The following ZC3H12C variants were observed in gnomAD, a reference collection of about 807,000 sequenced individuals.
The protein encoded by ZC3H12C is zinc finger CCCH-type containing 12C.
ZC3H12C carries 20 observed loss-of-function variants against 76.3 expected under a neutral mutation model. The ratio of observed to expected loss-of-function variants is 0.26; its 90% CI spans 0.18 to 0.38. The LOEUF (loss-of-function observed/expected upper bound fraction) is 0.38, where lower values mean the gene tolerates loss of function less well. Among genes scored for constraint, ZC3H12C ranks in the 10% least tolerant of loss-of-function variants. The pLI is 1.00. For missense variants in ZC3H12C, 874 were observed against 1,086.5 expected, an observed-to-expected ratio of 0.80 and a Z score of 2.75; for synonymous variants, 352 against 399.6, an observed-to-expected ratio of 0.88 and a Z score of 1.42.
intron 1 of ZC3H12C, among the ~76,000 whole-genome samples, chr11:110,116,321 ATAGGTATG>A (rs1436382437): frequency 6.6e-6 from 1 of 152,188 alleles, no homozygotes; most frequent in Non-Finnish European, 1.5e-5. Context: ...AATAAAGAGG[ATAGGTATG>A]TTTGGCTTTT....
intron 1 of ZC3H12C, among the ~76,000 whole-genome samples, chr11:110,118,166 C>T (rs1180339761): frequency 6.7e-6 from 1 of 150,254 alleles, no homozygotes; most frequent in East Asian, 1.9e-4. Context: ...TAGAGTCATT[C>T]CCATTAATAT....
rs1279116376 is a variant in ZC3H12C, at chr11:110,166,137, T to TGTGG, written c.*402_*405dup. 6.0e-6 allele frequency: 1 copy of TGTGG among 166,178 alleles called. No individual in the cohort carries two copies. Among genetic ancestry groups the TGTGG allele is most frequent in the Non-Finnish European group, 1.3e-5 (1 of 76,930 alleles). The allele number at this position is 166,178 out of a possible 1,614,324, so 10.3% of individuals were successfully genotyped here. A position where few individuals can be genotyped will look rare whatever the true frequency, so the allele number is the denominator to read the frequency against. Reference sequence around the variant, plus strand: ...GCAAGCAATTACAATACCTTCAGAATGTGGGACATTTGACTAGACCTAGCA... The same window carrying TGTGG: ...GCAAGCAATTACAATACCTTCAGAATGTGGGTGGGACATTTGACTAGACCTAGCA... On this transcript the variant is annotated 3_prime_UTR_variant, in exon 6 of 6. Coordinates refer to ENST00000278590, the MANE Select transcript of ZC3H12C (RefSeq NM_033390.2).
At chr11:110,109,441 A>G (rs1050933462) in intron 1 of ZC3H12C, among the ~76,000 whole-genome samples, 1 of 152,168 alleles carries the variant, frequency 6.6e-6, no homozygotes, top group East Asian at 1.9e-4. Context: ...CTCATTGAAT[A>G]TTACAATGGT....
Position 110,137,280 on chromosome 11 carries a change from T to C in ZC3H12C, c.639T>C (p.Ser213=), listed in dbSNP as rs542273465. The change falls in exon 2 of 6, where the codon AGT becomes AGC. Residue 213 remains serine (S), a synonymous_variant. Transcript: ENST00000278590. ...GNKSEADQTV[S]TINTITRETS... The stretch of plus-strand genomic sequence containing the variant: ...AAAGTGAGGCTGATCAAACGGTTAG[T>C]ACAATTAACACTATAACACGGGAAA... 8.7e-6 allele frequency: 14 copies of C among 1,613,932 alleles called. No individual in the cohort carries two copies. In the South Asian group the frequency reaches 1.3e-4, roughly 15 times the overall value.
chr11:110,117,979 ATT>A (rs1861579516), intron 1 of ZC3H12C, among the ~76,000 whole-genome samples: 1 of 43,772 alleles, frequency 2.3e-5, no homozygotes, highest in Admixed American at 2.7e-4. Flanking sequence ...ACACATATAT[ATT>A]ATATATATAC....
At chr11:110,099,645 A>G (rs1013721052) in intron 1 of ZC3H12C, among the ~76,000 whole-genome samples, 8 of 152,046 alleles carry the variant, frequency 5.3e-5, no homozygotes, top group Non-Finnish European at 1.2e-4. Flanking sequence ...AAGTAAAAAC[A>G]TTTCACAATT....
In ZC3H12C at chr11:110,107,417, C is replaced by G. The variant is rs188293894; in HGVS notation, c.21+13985C>G. ...TTTTTTTCTGAGACAGGATCTCACTCTGTCACTCAGGCTGGAGTACAATGG... is the reference window on the plus strand; with the variant it reads ...TTTTTTTCTGAGACAGGATCTCACTGTGTCACTCAGGCTGGAGTACAATGG... On this transcript the variant is annotated intron_variant, in intron 1 of 5. Transcript: ENST00000278590. 3.3e-4 allele frequency among the ~76,000 whole-genome samples: 50 copies of G among 152,190 alleles called. No homozygotes were observed. The East Asian group carries it at 9.7e-3, about 29-fold the overall frequency.
chr11:110,115,748 C>CTTT (rs71476067), intron 1 of ZC3H12C, among the ~76,000 whole-genome samples: 18 of 120,308 alleles, frequency 1.5e-4, no homozygotes, highest in Non-Finnish European at 1.7e-4. Flanking sequence ...TTCTCATTTT[C>CTTT]TTTTTTTTTT....
intron 4 of ZC3H12C, among the ~76,000 whole-genome samples, chr11:110,161,075 C>G (rs1862471475): frequency 6.6e-6 from 1 of 152,100 alleles, no homozygotes; most frequent in Admixed American, 6.5e-5. Context: ...AACTCCTGAC[C>G]TCAAGTGGTC....
chr11:110,165,101 T>C lies in ZC3H12C; in HGVS notation c.2016T>C (p.Asn672=), dbSNP rs908165415. Residue 672 remains asparagine (N), a synonymous_variant, in exon 6 of 6, where the codon AAT becomes AAC. Coordinates refer to ENST00000278590, the MANE Select transcript of ZC3H12C (RefSeq NM_033390.2). ...CQHMHPHSRL[N]PQPFLQNFHD... ...ACATGCACCCTCACAGCCGCCTTAA[T>C]CCTCAACCGTTCCTGCAGAATTTCC... is the stretch of plus-strand genomic sequence containing the variant. 5 of 1,613,582 alleles carry C rather than the reference T, an allele frequency of 3.1e-6. No individual in the cohort carries two copies. The highest frequency in any genetic ancestry group is 4.2e-6 in the Non-Finnish European group (5 of 1,179,878).
intron 1 of ZC3H12C, among the ~76,000 whole-genome samples, chr11:110,122,544 C>T (rs756982668): frequency 8.5e-5 from 13 of 152,120 alleles, no homozygotes; most frequent in Non-Finnish European, 1.5e-4. Context: ...AAATGGTCCC[C>T]AATTGATGGT....
At chr11:110,136,400 G>A in intron 1 of ZC3H12C, 1 of 368,580 alleles carries the variant, frequency 2.7e-6, no homozygotes, top group Non-Finnish European at 4.9e-6. Context: ...TTTAGAATCA[G>A]ACGAAACTGG....
At chr11:110,093,456 G>A (rs770393411) in intron 1 of ZC3H12C, 24 bp downstream of exon 1, 4 of 1,204,942 alleles carry the variant, frequency 3.3e-6, no homozygotes, top group African/African-American at 1.6e-5. Flanking sequence ...AAGGGGGTGG[G>A]GGACGCGGAC....
At position 110,117,999 on chromosome 11, in the gene ZC3H12C, T is replaced by G. The variant is rs968004517; in HGVS notation, c.22-18664T>G. ...TATATATTATATATATACACACATA[T>G]ATATTATATATATACACACACACAT... On this transcript the variant is annotated intron_variant, in intron 1 of 5. Coordinates refer to ENST00000278590, the MANE Select transcript of ZC3H12C (RefSeq NM_033390.2). Among the ~76,000 whole-genome samples the G allele has an allele frequency of 3.8e-5, 5 of 131,622 alleles. 1 individual carries two copies. The highest frequency in any genetic ancestry group is 8.1e-5 in the Admixed American group (1 of 12,418). 86.3% of individuals were successfully genotyped at this position (131,622 alleles called of 152,430 possible).
intron 1 of ZC3H12C, among the ~76,000 whole-genome samples, chr11:110,118,895 A>G (rs936392965): frequency 2.0e-5 from 3 of 152,266 alleles, no homozygotes; most frequent in African/African-American, 7.2e-5. Context: ...AAAATTTTCA[A>G]TAAACTGTCA....
At chr11:110,149,914 G>A (rs1361904163) in intron 2 of ZC3H12C, among the ~76,000 whole-genome samples, 4 of 152,046 alleles carry the variant, frequency 2.6e-5, no homozygotes, top group African/African-American at 9.7e-5. Flanking sequence ...GTAGTTCTAT[G>A]TCTTGTTTAA....
At position 110,115,748 on chromosome 11, in the gene ZC3H12C, C is replaced by CT. The variant is rs71476067; in HGVS notation, c.22-20896dup. 1.7e-3 allele frequency among the ~76,000 whole-genome samples: 208 copies of CT among 120,318 alleles called. 1 individual carries two copies. Among genetic ancestry groups the CT allele is most frequent in the South Asian group, 2.3e-3 (9 of 3,940 alleles). The allele number at this position is 120,318 out of a possible 152,430, so 78.9% of individuals were successfully genotyped here. A position where few individuals can be genotyped will look rare whatever the true frequency, so the allele number is the denominator to read the frequency against. ...CTACACTTAACTGTTTTCTCATTTT[C>CT]TTTTTTTTTTTTTTTTTTTCTTTTT... On this transcript the variant is annotated intron_variant, in intron 1 of 5. Coordinates refer to ENST00000278590, the MANE Select transcript of ZC3H12C (RefSeq NM_033390.2).
intron 2 of ZC3H12C, among the ~76,000 whole-genome samples, chr11:110,138,257 G>A (rs1000943703): frequency 2.6e-5 from 4 of 152,106 alleles, no homozygotes; most frequent in African/African-American, 9.7e-5. Context: ...AAAAGCATCA[G>A]TTCTTCCTCT....
rs1020514897 is a variant in ZC3H12C, at chr11:110,168,766, T to G, written c.*3029T>G. On this transcript the variant is annotated 3_prime_UTR_variant, in exon 6 of 6. Coordinates refer to ENST00000278590, the MANE Select transcript of ZC3H12C (RefSeq NM_033390.2). ...GATACAGACGTTTTCAGTCTTGTTT[T>G]TATGATCTCTCTCTATATCCTGATA... 3.3e-5 allele frequency: 5 copies of G among 152,292 alleles called. 1 individual carries two copies. The South Asian group carries it at 8.3e-4, about 25-fold the overall frequency. The allele number at this position is 152,292 out of a possible 1,614,324, so 9.4% of individuals were successfully genotyped here.
Sources: gnomAD v4.1 joint callset for allele counts (sites outside exome capture counted in the v4.1 genomes callset) on GRCh38, gnomAD v4.1.1 for gene constraint, MANE v1.5 for transcripts, NCBI Gene and HGNC (gene_info 2026-07-23, HGNC 2026-07-21) for gene names.